GNB4: variants seen among roughly 807,000 people sequenced by gnomAD.
GNB4 encodes the protein guanine nucleotide-binding protein subunit beta-4.
Under a neutral mutation model 45.2 loss-of-function variants are expected in GNB4, and 28 were observed. That is an observed-to-expected ratio of 0.62 (90% confidence interval 0.46 to 0.85). The LOEUF (loss-of-function observed/expected upper bound fraction) is 0.85, where lower values mean the gene tolerates loss of function less well. Ranked by LOEUF, GNB4 falls within the 40% of genes least tolerant of loss-of-function variation. The probability of loss-of-function intolerance (pLI) is 0.00; values close to 1 mark genes in which losing one functional copy is unlikely to be tolerated. For synonymous variants in GNB4, 132 were observed against 143.7 expected, an observed-to-expected ratio of 0.92 and a Z score of 0.58; for missense variants, 321 against 425.4, an observed-to-expected ratio of 0.75 and a Z score of 2.16.
intron 1 of GNB4, among the ~76,000 whole-genome samples, chr3:179,445,709 T>C (rs1302514859): frequency 2.0e-5 from 3 of 152,232 alleles, no homozygotes; most frequent in Non-Finnish European, 4.4e-5. Flanking sequence ...AGTGAAATAT[T>C]ATGCAGCTAT....
chr3:179,509,217 G>A, the GNB4 span, among the ~76,000 whole-genome samples: 1 of 150,038 alleles, frequency 6.7e-6, no homozygotes, highest in South Asian at 2.1e-4. Flanking sequence ...ACGGCACCTT[G>A]CCTTTTTCAT....
the GNB4 span, among the ~76,000 whole-genome samples, chr3:179,523,029 G>A: frequency 2.6e-5 from 4 of 152,082 alleles, no homozygotes; most frequent in East Asian, 7.7e-4. Context: ...GATCTATGGG[G>A]TCAGCTAGGT....
intron 2 of GNB4, 30 bp downstream of exon 2, chr3:179,426,114 T>G (rs770184292): frequency 1.6e-5 from 25 of 1,572,624 alleles, no homozygotes; most frequent in Middle Eastern, 1.7e-4. Flanking sequence ...ACTAAATAAG[T>G]GCTAACATTT....
At chr3:179,415,812 C>T (rs1468448479) in intron 5 of GNB4, among the ~76,000 whole-genome samples, 1 of 151,832 alleles carries the variant, frequency 6.6e-6, no homozygotes, top group Non-Finnish European at 1.5e-5. Flanking sequence ...TAAAGAAAAA[C>T]TATTATATTA....
At chr3:179,468,044 A>ATATATATATATATG in the GNB4 span, among the ~76,000 whole-genome samples, 39 of 99,072 alleles carry the variant, frequency 3.9e-4, 5 homozygotes, top group South Asian at 7.9e-3. Context: ...AAATATATAT[A>ATATATATATATATG]TATATAGAAC....
chr3:179,515,078 T>C, the GNB4 span, among the ~76,000 whole-genome samples: 7 of 152,338 alleles, frequency 4.6e-5, no homozygotes, highest in African/African-American at 1.7e-4. Context: ...ATTTACAGTA[T>C]GCTAACTTCT....
At chr3:179,516,144 AG>A in the GNB4 span, among the ~76,000 whole-genome samples, 1 of 152,116 alleles carries the variant, frequency 6.6e-6, no homozygotes, top group African/African-American at 2.4e-5. Context: ...CTCTTTTTTA[AG>A]TTGGAGGCTG....
At chr3:179,499,570 A>G in the GNB4 span, among the ~76,000 whole-genome samples, 2 of 152,200 alleles carry the variant, frequency 1.3e-5, no homozygotes, top group Non-Finnish European at 2.9e-5. Context: ...ATGTGTCTTT[A>G]TAGTAGAATG....
chr3:179,462,605 G>A, the GNB4 span, among the ~76,000 whole-genome samples: 14 of 152,202 alleles, frequency 9.2e-5, no homozygotes, highest in East Asian at 7.7e-4. Flanking sequence ...TTGGGAGGCC[G>A]AGGCGGGCAA....
intron 2 of GNB4, 31 bp from the exon 3 acceptor site, chr3:179,420,958 T>G (rs757017294): frequency 1.5e-6 from 2 of 1,339,406 alleles, no homozygotes; most frequent in Non-Finnish European, 2.1e-6. Flanking sequence ...TATAATGCAT[T>G]TAGCAACCTG....
chr3:179,406,159 A>G (rs993232639), intron 8 of GNB4, among the ~76,000 whole-genome samples: 7 of 152,158 alleles, frequency 4.6e-5, no homozygotes, highest in Admixed American at 3.9e-4. Flanking sequence ...TAATATAGTA[A>G]TATTACTACA....
At position 179,405,189 on chromosome 3, in the gene GNB4, C is replaced by T. The variant is rs1052794354; in HGVS notation, c.916+1G>A. On this transcript the variant is annotated splice_donor_variant, in intron 9 of 9. Transcript: ENST00000232564. LOFTEE classifies it high-confidence loss of function. ...AACCTAATGTGGACTTATTTACTAA[C>T]CTGCACGATCTCCTTTTAGCGTGTC... 1 of 1,611,646 alleles carries T rather than the reference C, an allele frequency of 6.2e-7. No homozygotes were observed. Among genetic ancestry groups the T allele is most frequent in the African/African-American group, 1.3e-5 (1 of 74,868 alleles).
intron 1 of GNB4, chr3:179,437,607 T>C (rs1239413220): frequency 6.6e-6 from 1 of 152,074 alleles, no homozygotes; most frequent in Non-Finnish European, 1.5e-5. Flanking sequence ...CATGTTGTTA[T>C]AGTTCAGGTC....
chr3:179,447,784 A>G (rs949845183), intron 1 of GNB4, among the ~76,000 whole-genome samples: 46 of 152,246 alleles, frequency 3.0e-4, no homozygotes. Context: ...GGTAGAGCCC[A>G]TAATACTTGC....
chr3:179,422,769 A>G (rs1013751917), intron 2 of GNB4, among the ~76,000 whole-genome samples: 2 of 152,224 alleles, frequency 1.3e-5, no homozygotes, highest in African/African-American at 4.8e-5. Context: ...TAGTTAGATT[A>G]TATTTCCAGA....
chr3:179,493,097 T>C, the GNB4 span, among the ~76,000 whole-genome samples: 2 of 152,130 alleles, frequency 1.3e-5, no homozygotes, highest in South Asian at 4.1e-4. Flanking sequence ...GAAAACAGTC[T>C]ATAAAGCCTA....
At position 179,422,993 on chromosome 3, in the gene GNB4, A is replaced by G. The variant is rs147139416; in HGVS notation, c.58-2066T>C. Among the ~76,000 whole-genome samples the G allele has an allele frequency of 6.5e-3, 984 of 152,118 alleles. 13 individuals carry two copies. Among genetic ancestry groups the G allele is most frequent in the African/African-American group, 0.023 (951 of 41,468 alleles). On this transcript the variant is annotated intron_variant, in intron 2 of 9. Coordinates refer to ENST00000232564, the MANE Select transcript of GNB4 (RefSeq NM_021629.4). ...TTTTTAGTAGAGATGGGGTTTCACC[A>G]TGTTAGCCAGGATGGTTTCGATCTC...
At chr3:179,445,230 AAAGT>A (rs775015608) in intron 1 of GNB4, among the ~76,000 whole-genome samples, 1 of 152,172 alleles carries the variant, frequency 6.6e-6, no homozygotes, top group Non-Finnish European at 1.5e-5. Flanking sequence ...TGACAAGCTA[AAAGT>A]AAGAGAGTAG....
chr3:179,510,194 A>G, the GNB4 span, among the ~76,000 whole-genome samples: 1 of 152,046 alleles, frequency 6.6e-6, no homozygotes, highest in Non-Finnish European at 1.5e-5. Context: ...TAGTTGGAGA[A>G]GTAGAAGCTA....
Sources: allele counts gnomAD v4.1 joint callset (sites outside exome capture counted in the v4.1 genomes callset), GRCh38; gene constraint gnomAD v4.1.1; transcripts MANE v1.5; gene names NCBI Gene and HGNC (gene_info 2026-07-23, HGNC 2026-07-21).